DAPP1: variants seen among roughly 807,000 people sequenced by gnomAD.
DAPP1 encodes dual adapter for phosphotyrosine and 3-phosphotyrosine and 3-phosphoinositide.
DAPP1 carries 20 observed loss-of-function variants against 41.5 expected under a neutral mutation model. That is an observed-to-expected ratio of 0.48 (90% CI 0.34 to 0.70). The LOEUF (loss-of-function observed/expected upper bound fraction) is 0.70, where lower values mean the gene tolerates loss of function less well. Ranked by LOEUF, DAPP1 falls within the 30% of genes least tolerant of loss-of-function variation. DAPP1 has a pLI of 0.01. For missense variants in DAPP1, 233 were observed against 333.4 expected, an observed-to-expected ratio of 0.70 and a Z score of 2.35; for synonymous variants, 113 against 116.2, an observed-to-expected ratio of 0.97 and a Z score of 0.18.
At chr4:99,820,780 C>T (rs1722748535) in intron 1 of DAPP1, among the ~76,000 whole-genome samples, 1 of 152,138 alleles carries the variant, frequency 6.6e-6, no homozygotes, top group Non-Finnish European at 1.5e-5. Flanking sequence ...TACCAGAGAA[C>T]ACAGAAACAA....
intron 8 of DAPP1, 144 bp downstream of exon 8, chr4:99,866,265 T>C: frequency 3.2e-6 from 2 of 615,794 alleles, no homozygotes; most frequent in Non-Finnish European, 5.8e-6. Context: ...CGGAACAGTC[T>C]GTTAATTCTT....
intron 8 of DAPP1, chr4:99,866,434 C>T (rs1724460665): frequency 1.9e-5 from 13 of 697,418 alleles, no homozygotes; most frequent in Admixed American, 6.7e-5. Flanking sequence ...CATTTAGAAC[C>T]AGAAGGTCTG....
chr4:99,830,449 G>A (rs76931382), intron 1 of DAPP1, among the ~76,000 whole-genome samples: 1,743 of 152,214 alleles, frequency 0.011, 41 homozygotes, highest in African/African-American at 0.039. Flanking sequence ...TAGATTTTAT[G>A]TAATGAGCTA....
chr4:99,866,766 ATT>A (rs11315402), intron 8 of DAPP1: 43,275 of 365,560 alleles, frequency 0.12, 92 homozygotes, highest in Middle Eastern at 0.18. Context: ...CTTTTTTTCT[ATT>A]TTTTTTTTTT....
rs543391319 is a variant in DAPP1, at chr4:99,866,177, T to A, written c.774+56T>A. ...TCTTGAGAAATAACATGTTGATGAT[T>A]TCAAACATATTTCTATCAAAAGAGT... On this transcript the variant is annotated intron_variant, in intron 8 of 8. Coordinates refer to ENST00000512369, the MANE Select transcript of DAPP1 (RefSeq NM_014395.3). The A allele has an allele frequency of 7.2e-5, 67 of 933,832 alleles. No individual in the cohort carries two copies. In the East Asian group the frequency reaches 1.6e-3, roughly 23 times the overall value. 57.8% of individuals were successfully genotyped at this position (933,832 alleles called of 1,614,324 possible).
rs556075694 is a variant in DAPP1 at position 99,831,612 on chromosome 4, TG to T, written c.102-4008del. Among the ~76,000 whole-genome samples the T allele has an allele frequency of 2.0e-3, 302 of 152,344 alleles. 1 individual carries two copies. The highest frequency in any genetic ancestry group is 6.4e-3 in the African/African-American group (265 of 41,582). On this transcript the variant is annotated intron_variant, in intron 1 of 8. Transcript: ENST00000512369. Reference sequence around the variant, plus strand: ...GTTCATATTTTCTTCTGCTCATGTATGGGTGTTTCACTAGGTGGAAACTAGA... The same window carrying T: ...GTTCATATTTTCTTCTGCTCATGTATGGTGTTTCACTAGGTGGAAACTAGA...
intron 1 of DAPP1, among the ~76,000 whole-genome samples, chr4:99,835,176 T>C (rs1180827291): frequency 1.3e-5 from 2 of 151,962 alleles, no homozygotes; most frequent in African/African-American, 4.8e-5. Context: ...GCCAGGCTAA[T>C]TTTTGTGTTT....
intron 4 of DAPP1, among the ~76,000 whole-genome samples, chr4:99,855,708 TG>T (rs1165163609): frequency 6.6e-6 from 1 of 152,246 alleles, no homozygotes; most frequent in Non-Finnish European, 1.5e-5. Flanking sequence ...GTATAGCTGC[TG>T]GGGAAAGAGT....
chr4:99,841,379 G>GA (rs1723491991), intron 3 of DAPP1, among the ~76,000 whole-genome samples: 1 of 152,164 alleles, frequency 6.6e-6, no homozygotes, highest in Non-Finnish European at 1.5e-5. Context: ...GTGCACAGCG[G>GA]AAACTAGAAA....
chr4:99,863,891 C>A lies in DAPP1; in HGVS notation c.686+36C>A, dbSNP rs771443351. 3.7e-6 allele frequency: 5 copies of A among 1,351,064 alleles called. No homozygotes were observed. The African/African-American group carries it at 7.4e-5, about 20-fold the overall frequency. The allele number at this position is 1,351,064 out of a possible 1,614,324, so 83.7% of individuals were successfully genotyped here. ...TTATAAAGAAAACGTTTTTTAATGT[C>A]TTCTTGCCAGACACTTATTTTGGCT... On this transcript the variant is annotated intron_variant, in intron 7 of 8. Transcript: ENST00000512369.
At chr4:99,825,145 G>A (rs924931254) in intron 1 of DAPP1, among the ~76,000 whole-genome samples, 18 of 152,104 alleles carry the variant, frequency 1.2e-4, no homozygotes, top group African/African-American at 4.1e-4. Context: ...CTAAGTCTCT[G>A]TCCCCATGTG....
At chr4:99,872,043 G>GA (rs964930978), downstream of DAPP1, among the ~76,000 whole-genome samples, 23 of 150,688 alleles carry the variant, frequency 1.5e-4, no homozygotes, top group South Asian at 4.2e-4. Flanking sequence ...CAAGAACAAA[G>GA]AAAAAAAAAT....
chr4:99,866,042 T>G lies in DAPP1; in HGVS notation c.695T>G (p.Phe232Cys). The G allele has an allele frequency of 6.5e-7, 1 of 1,538,262 alleles. No homozygotes were observed. Among genetic ancestry groups the G allele is most frequent in the Non-Finnish European group, 8.8e-7 (1 of 1,132,760 alleles). The change falls in exon 8 of 9, where the codon TTT (phenylalanine) becomes TGT (cysteine). Residue 232 changes from phenylalanine (F) to cysteine (C), a missense_variant. Coordinates refer to ENST00000512369, the MANE Select transcript of DAPP1 (RefSeq NM_014395.3). ...TTCTTTTGTCCTATTAGTTTGGTAT[T>G]TCCATTCAGGACATTTTATCTCTGT... ...QERVNCFCLV[F>C]PFRTFYLCAK...
chr4:99,833,552 G>T (rs564928291), intron 1 of DAPP1, among the ~76,000 whole-genome samples: 1 of 152,278 alleles, frequency 6.6e-6, no homozygotes, highest in Middle Eastern at 3.4e-3. Context: ...TGTGGTTCAT[G>T]ACAACAAGAT....
intron 3 of DAPP1, among the ~76,000 whole-genome samples, chr4:99,848,565 A>G (rs1560700634): frequency 6.6e-6 from 1 of 152,132 alleles, no homozygotes; most frequent in African/African-American, 2.4e-5. Context: ...TTAACAATAT[A>G]CCCTCCCAGA....
Position 99,853,322 on chromosome 4 carries a change from G to A in DAPP1, c.463G>A (p.Asp155Asn). Residue 155 changes from aspartate to asparagine, a missense_variant, in exon 4 of 9, where the codon GAT becomes AAT. Coordinates refer to ENST00000512369, the MANE Select transcript of DAPP1 (RefSeq NM_014395.3). ...AGCAATGCAGACAGGAAGAACAGAAGATGACCTTGTGCCCACAGCACCTTC... is the reference window on the plus strand; with the variant it reads ...AGCAATGCAGACAGGAAGAACAGAAAATGACCTTGTGCCCACAGCACCTTC... ...HTAMQTGRTE[D>N]DLVPTAPSLG... The A allele has an allele frequency of 6.2e-7, 1 of 1,611,010 alleles. No homozygotes were observed. The highest frequency in any genetic ancestry group is 1.3e-5 in the African/African-American group (1 of 75,008).
At chr4:99,864,789 A>G (rs1288431812) in intron 7 of DAPP1, 1 of 152,100 alleles carries the variant, frequency 6.6e-6, no homozygotes, top group Admixed American at 6.6e-5. Flanking sequence ...TATTTTCAAC[A>G]AAGTACAAAG....
chr4:99,829,558 G>T (rs76783864), intron 1 of DAPP1, among the ~76,000 whole-genome samples: 1,743 of 152,198 alleles, frequency 0.011, 41 homozygotes, highest in African/African-American at 0.039. Flanking sequence ...GTTGCTACTT[G>T]CCAGGGGGTC....
rs964186462 is a variant in DAPP1, at chr4:99,866,429, A to G, written c.774+308A>G. On this transcript the variant is annotated intron_variant, in intron 8 of 8. Transcript: ENST00000512369. ...CAGTTTTGTCTGGAGGGGGACATTTAGAACCAGAAGGTCTGACAGAGGAAA... is the reference window on the plus strand; with the variant it reads ...CAGTTTTGTCTGGAGGGGGACATTTGGAACCAGAAGGTCTGACAGAGGAAA... The G allele has an allele frequency of 5.8e-6, 4 of 692,456 alleles. No homozygotes were observed. The African/African-American group carries it at 7.1e-5, about 12-fold the overall frequency. 42.9% of individuals were successfully genotyped at this position (692,456 alleles called of 1,614,324 possible).
Sources: gnomAD v4.1 joint callset for allele counts (sites outside exome capture counted in the v4.1 genomes callset) on GRCh38, gnomAD v4.1.1 for gene constraint, MANE v1.5 for transcripts, NCBI Gene and HGNC (gene_info 2026-07-23, HGNC 2026-07-21) for gene names.